ITGB5: variants seen among roughly 807,000 people sequenced by gnomAD.
ITGB5 encodes the protein integrin beta-5.
In ITGB5, 38 loss-of-function variants were observed where a neutral mutation model predicts 84.8. The ratio of observed to expected loss-of-function variants is 0.45; its 90% CI spans 0.35 to 0.59. The LOEUF is 0.59. Among genes scored for constraint, ITGB5 ranks in the 20% least tolerant of loss-of-function variants. The pLI is 0.01. For missense variants in ITGB5, 905 were observed against 1,034.5 expected, an observed-to-expected ratio of 0.87 and a Z score of 1.72; for synonymous variants, 393 against 414.4, an observed-to-expected ratio of 0.95 and a Z score of 0.63.
In ITGB5 at chr3:124,841,459, C is replaced by T. The variant is rs567246765; in HGVS notation, c.704G>A (p.Arg235Gln). 33 of 1,614,220 alleles carry T rather than the reference C, an allele frequency of 2.0e-5. No individual in the cohort carries two copies. Among genetic ancestry groups the T allele is most frequent in the South Asian group, 2.0e-4 (18 of 91,082 alleles). Residue 235 changes from arginine (R) to glutamine (Q), a missense_variant, in exon 5 of 15, where the codon CGG (arginine) becomes CAG (glutamine). Physicochemically the swap from Arg to Gln is conservative, Grantham distance 43. Around this residue, in one of 3 missense-constraint regions of ITGB5, gnomAD observed 656 missense variants for 734.7 expected, o/e 0.89. Transcript: ENST00000296181. ...DRVDSFNEEV[R>Q]KQRVSRNRDA... ...TCGGTTCCGGGACACCCTCTGTTTC[C>T]GAACTTCCTCATTGAAGCTGTCCAC...
intron 9 of ITGB5, among the ~76,000 whole-genome samples, chr3:124,803,037 C>A (rs1275967787): frequency 6.6e-6 from 1 of 152,204 alleles, no homozygotes; most frequent in African/African-American, 2.4e-5. Flanking sequence ...AAGGTGCCGG[C>A]CTGAGCAGAA....
intron 10 of ITGB5, among the ~76,000 whole-genome samples, chr3:124,774,484 A>G (rs2063894084): frequency 6.6e-6 from 1 of 152,036 alleles, no homozygotes; most frequent in Admixed American, 6.5e-5. Context: ...AGAGCCAAGG[A>G]ATGCGAGGAA....
intron 3 of ITGB5, among the ~76,000 whole-genome samples, chr3:124,858,008 G>T (rs1437939392): frequency 6.6e-6 from 1 of 151,844 alleles, no homozygotes; most frequent in Non-Finnish European, 1.5e-5. Flanking sequence ...TGGGCGTGGT[G>T]GTACACATCC....
intron 1 of ITGB5, among the ~76,000 whole-genome samples, chr3:124,885,445 G>C (rs945057716): frequency 1.3e-5 from 2 of 152,098 alleles, no homozygotes; most frequent in Admixed American, 1.3e-4. Flanking sequence ...AACAGAAAAA[G>C]AGAAGGGGAG....
intron 10 of ITGB5, among the ~76,000 whole-genome samples, chr3:124,783,818 C>A (rs2064041197): frequency 6.6e-6 from 1 of 152,206 alleles, no homozygotes; most frequent in Non-Finnish European, 1.5e-5. Context: ...ACTTTTCTTG[C>A]ACATTGTTTG....
rs114812080 is a variant in ITGB5 at position 124,775,385 on chromosome 3, G to A, written c.1694-1473C>T. 6.8e-3 allele frequency among the ~76,000 whole-genome samples: 1,024 copies of A among 151,664 alleles called. 8 individuals carry two copies. Among genetic ancestry groups the A allele is most frequent in the African/African-American group, 0.023 (945 of 41,350 alleles). On this transcript the variant is annotated intron_variant, in intron 10 of 14. Coordinates refer to ENST00000296181, the MANE Select transcript of ITGB5 (RefSeq NM_002213.5). ...GTGAGTGCGAGCATCTGTGTGTGTT[G>A]GAGTGTGTGTGTGAGGGTGTGTTGG...
chr3:124,792,573 C>G (rs780420046), intron 10 of ITGB5: 11 of 152,214 alleles, frequency 7.2e-5, no homozygotes, highest in African/African-American at 2.7e-4. Context: ...ATCAACTTCC[C>G]TGTATTTTTC....
At chr3:124,863,782 G>A (rs150752444) in intron 2 of ITGB5, among the ~76,000 whole-genome samples, 1 of 152,206 alleles carries the variant, frequency 6.6e-6, no homozygotes, top group African/African-American at 2.4e-5. Context: ...CCAAAATGCT[G>A]GGCTTACAGG....
chr3:124,820,449 T>C (rs1005633205), intron 6 of ITGB5, among the ~76,000 whole-genome samples: 7 of 152,186 alleles, frequency 4.6e-5, no homozygotes, highest in Non-Finnish European at 8.8e-5. Context: ...CTGAGGGATT[T>C]TGAGGACTAA....
chr3:124,856,928 C>T (rs909038876), intron 3 of ITGB5, among the ~76,000 whole-genome samples: 1 of 152,194 alleles, frequency 6.6e-6, no homozygotes, highest in Non-Finnish European at 1.5e-5. Flanking sequence ...CCTTTTCTCT[C>T]TCAATTCAGT....
At chr3:124,899,075 C>CA (rs555979526) in intron 1 of ITGB5, among the ~76,000 whole-genome samples, 47 of 111,486 alleles carry the variant, frequency 4.2e-4, no homozygotes, top group South Asian at 1.1e-3. Context: ...GACTCTGTCT[C>CA]AAAAAAAAAA....
intron 1 of ITGB5, among the ~76,000 whole-genome samples, chr3:124,876,647 G>A (rs965240942): frequency 2.6e-5 from 4 of 152,236 alleles, no homozygotes; most frequent in Non-Finnish European, 5.9e-5. Flanking sequence ...AAGAAAGGAA[G>A]AGAGGCTTTG....
At chr3:124,896,916 CAA>C (rs5852431) in intron 1 of ITGB5, among the ~76,000 whole-genome samples, 19 of 137,594 alleles carry the variant, frequency 1.4e-4, no homozygotes, top group Admixed American at 3.7e-4. Context: ...AAAGAAAAGC[CAA>C]AAAAAAAAAA....
intron 10 of ITGB5, among the ~76,000 whole-genome samples, chr3:124,784,402 G>A (rs1239189368): frequency 6.6e-6 from 1 of 152,204 alleles, no homozygotes. Flanking sequence ...CTACTTGGAA[G>A]GCTGAGGTGG....
chr3:124,846,702 G>A (rs758665406), intron 4 of ITGB5, among the ~76,000 whole-genome samples: 3 of 152,172 alleles, frequency 2.0e-5, no homozygotes, highest in Non-Finnish European at 4.4e-5. Context: ...GGGAGGCTGA[G>A]GTGGATGGGT....
intron 5 of ITGB5, among the ~76,000 whole-genome samples, chr3:124,826,506 T>C (rs1160341366): frequency 1.2e-4 from 19 of 152,224 alleles, no homozygotes; most frequent in Admixed American, 1.2e-3. Context: ...TTCCACTTAA[T>C]CTTCACTGCA....
At chr3:124,874,641 T>C (rs1225501234) in intron 1 of ITGB5, among the ~76,000 whole-genome samples, 1 of 152,198 alleles carries the variant, frequency 6.6e-6, no homozygotes, top group Non-Finnish European at 1.5e-5. Flanking sequence ...AGCACAGTAC[T>C]GGCATAAAAA....
At chr3:124,808,119 T>G (rs56753407) in intron 9 of ITGB5, among the ~76,000 whole-genome samples, 1 of 152,126 alleles carries the variant, frequency 6.6e-6, no homozygotes, top group Non-Finnish European at 1.5e-5. Context: ...CCGCAAGCTC[T>G]TTCCCTGAAG....
Position 124,763,634 on chromosome 3 carries a change from T to A in ITGB5, c.2389A>T (p.Thr797Ser), listed in dbSNP as rs570704975. Residue 797 changes from threonine to serine, a missense_variant, in exon 15 of 15, where the codon ACT (threonine) becomes TCT (serine). Thr to Ser is a moderately conservative substitution (Grantham distance 58). This residue lies in a region of ITGB5 where 133 missense variants were observed against 122.8 expected (regional missense o/e 1.08). Transcript: ENST00000296181. ...CGGAGAAGGAAACATCAGTCCACAGTGCCATTGTAGGATTTGTTGAACTTG... is the reference window on the plus strand; with the variant it reads ...CGGAGAAGGAAACATCAGTCCACAGAGCCATTGTAGGATTTGTTGAACTTG... ...FNKFNKSYNGTVD is the reference protein window; with the variant it reads ...FNKFNKSYNGSVD 1 of 1,594,200 alleles carries A rather than the reference T, an allele frequency of 6.3e-7. No homozygotes were observed.
Sources: gnomAD v4.1 joint callset for allele counts (sites outside exome capture counted in the v4.1 genomes callset) on GRCh38, gnomAD v4.1.1 for gene constraint, gnomAD v4.1.1 regional missense constraint, MANE v1.5 for transcripts, NCBI Gene and HGNC (gene_info 2026-07-23, HGNC 2026-07-21) for gene names.